The following ACYP2 variants were observed in gnomAD, a reference collection of about 807,000 sequenced individuals.
ACYP2 encodes the protein acylphosphatase-2.
ACYP2 carries 12 observed loss-of-function variants against 11.2 expected under a neutral mutation model. The observed-to-expected ratio is 1.08, with a 90% CI of 0.69 to 1.74. The LOEUF (loss-of-function observed/expected upper bound fraction) is 1.74. Among genes scored for constraint, ACYP2 ranks in the 40% most tolerant of loss-of-function variants. ACYP2 has a pLI of 0.00. For synonymous variants in ACYP2, 43 were observed against 32.2 expected (o/e 1.33, Z -1.13); for missense variants, 134 against 101.9 (o/e 1.31, Z -1.35).
At chr2:54,233,146 T>C (rs1686316121) in intron 6 of ACYP2, among the ~76,000 whole-genome samples, 1 of 152,136 alleles carries the variant, frequency 6.6e-6, no homozygotes, top group Non-Finnish European at 1.5e-5. Flanking sequence ...ATTAATGTGA[T>C]AAGTTACACT....
intron 4 of ACYP2, among the ~76,000 whole-genome samples, chr2:54,076,341 T>A (rs1677342410): frequency 1.3e-5 from 2 of 152,218 alleles, no homozygotes; most frequent in Admixed American, 6.6e-5. Flanking sequence ...CTTACACAAT[T>A]AGCAATTTAA....
intron 2 of ACYP2, among the ~76,000 whole-genome samples, chr2:54,032,612 C>G (rs1172645620): frequency 6.6e-6 from 1 of 152,178 alleles, no homozygotes; most frequent in African/African-American, 2.4e-5. Flanking sequence ...AATTCAGGCT[C>G]TTTTTTGGTT....
At chr2:53,980,525 T>C (rs76073574) in intron 2 of ACYP2, among the ~76,000 whole-genome samples, 8,837 of 152,064 alleles carry the variant, frequency 0.058, 276 homozygotes, top group Non-Finnish European at 0.06. Flanking sequence ...AAGATCAGGC[T>C]GGGCAACGTG....
intron 4 of ACYP2, among the ~76,000 whole-genome samples, chr2:54,077,245 T>C (rs1414103033): frequency 1.3e-5 from 2 of 152,232 alleles, no homozygotes; most frequent in Non-Finnish European, 2.9e-5. Context: ...AGAATTCAAA[T>C]GACTTGCCTA....
intron 2 of ACYP2, among the ~76,000 whole-genome samples, chr2:54,031,197 A>G (rs1674568412): frequency 1.3e-5 from 2 of 152,100 alleles, no homozygotes; most frequent in Non-Finnish European, 2.9e-5. Context: ...ACATATGTAT[A>G]CATGTGCCAT....
At chr2:54,052,957 T>C (rs1675944501) in intron 3 of ACYP2, among the ~76,000 whole-genome samples, 1 of 152,252 alleles carries the variant, frequency 6.6e-6, no homozygotes. Context: ...CTGACTCATC[T>C]ATTAAAACAT....
chr2:54,039,058 T>G (rs572394957), intron 2 of ACYP2, among the ~76,000 whole-genome samples: 10 of 152,014 alleles, frequency 6.6e-5, no homozygotes, highest in African/African-American at 2.2e-4. Context: ...TCTGGAATGT[T>G]CAAGGAACAG....
At chr2:54,105,474 A>AATTT (rs1421436299) in intron 4 of ACYP2, among the ~76,000 whole-genome samples, 2 of 151,828 alleles carry the variant, frequency 1.3e-5, no homozygotes, top group Admixed American at 1.3e-4. Context: ...AAATTTTTTA[A>AATTT]ATTTATTTAT....
intron 6 of ACYP2, among the ~76,000 whole-genome samples, chr2:54,300,215 C>T (rs1689670070): frequency 6.6e-6 from 1 of 152,158 alleles, no homozygotes; most frequent in Non-Finnish European, 1.5e-5. Flanking sequence ...GGCCTTGTTC[C>T]ATCAATTACC....
chr2:54,035,265 C>CTT (rs895749612), intron 2 of ACYP2, among the ~76,000 whole-genome samples: 49 of 126,028 alleles, frequency 3.9e-4, no homozygotes, highest in Middle Eastern at 4.0e-3. Context: ...TTTTCTTTTT[C>CTT]TTTTTTTTTT....
chr2:54,252,863 C>A (rs1317420525), intron 6 of ACYP2, among the ~76,000 whole-genome samples: 1 of 150,858 alleles, frequency 6.6e-6, no homozygotes, highest in Admixed American at 6.6e-5. Flanking sequence ...GAGATCGTGC[C>A]ACTGCACTCC....
intron 2 of ACYP2, among the ~76,000 whole-genome samples, chr2:53,992,100 T>TTCCC (rs1196740648): frequency 6.8e-6 from 1 of 148,056 alleles, no homozygotes; most frequent in Non-Finnish European, 1.5e-5. Context: ...TCCTTCCTCC[T>TTCCC]TCCCTCCCTC....
intron 6 of ACYP2, among the ~76,000 whole-genome samples, chr2:54,165,535 T>TCTCACACA (rs1553383671): frequency 3.1e-5 from 4 of 128,964 alleles, no homozygotes; most frequent in Admixed American, 8.0e-5. Flanking sequence ...TCTCTCTCTC[T>TCTCACACA]CACACACACA....
intron 4 of ACYP2, among the ~76,000 whole-genome samples, chr2:54,085,878 T>C (rs1441032718): frequency 6.6e-6 from 1 of 151,934 alleles, no homozygotes; most frequent in African/African-American, 2.4e-5. Context: ...AAAATATGTA[T>C]ATATATATAT....
intron 2 of ACYP2, among the ~76,000 whole-genome samples, chr2:54,013,344 C>T (rs1378939408): frequency 6.8e-6 from 1 of 147,434 alleles, no homozygotes; most frequent in African/African-American, 2.5e-5. Context: ...CTCTGTTGCC[C>T]GGCTGGGGTG....
chr2:54,244,965 A>C (rs1442637028), intron 6 of ACYP2, among the ~76,000 whole-genome samples: 1 of 152,190 alleles, frequency 6.6e-6, no homozygotes, highest in Non-Finnish European at 1.5e-5. Flanking sequence ...ATAGTGCTAT[A>C]AAACAGAACT....
intron 6 of ACYP2, among the ~76,000 whole-genome samples, chr2:54,291,379 C>A (rs566501286): frequency 2.6e-5 from 4 of 152,006 alleles, no homozygotes; most frequent in African/African-American, 7.2e-5. Context: ...CCATACAGAC[C>A]GGCAAAAAAA....
intron 3 of ACYP2, among the ~76,000 whole-genome samples, chr2:54,056,851 A>G (rs1676179292): frequency 6.6e-6 from 1 of 152,176 alleles, no homozygotes; most frequent in Non-Finnish European, 1.5e-5. Context: ...CTAAAATCAG[A>G]AAAAAATACT....
chr2:53,995,373 A>G (rs941910659), intron 2 of ACYP2, among the ~76,000 whole-genome samples: 15 of 152,312 alleles, frequency 9.8e-5, no homozygotes, highest in Admixed American at 6.5e-5. Flanking sequence ...TTCTCAATGC[A>G]TAAATCATCA....
Sources: allele counts gnomAD v4.1 joint callset (sites outside exome capture counted in the v4.1 genomes callset), GRCh38; gene constraint gnomAD v4.1.1; transcripts MANE v1.5; gene names NCBI Gene and HGNC (gene_info 2026-07-23, HGNC 2026-07-21).